Variants in ERICH6B observed in about 807,000 individuals in gnomAD.
ERICH6B encodes the protein glutamate rich 6B, also known as glutamate-rich protein 6B.
ERICH6B carries 69 observed loss-of-function variants against 80.0 expected under a neutral mutation model. The ratio of observed to expected loss-of-function variants is 0.86; its 90% CI spans 0.71 to 1.05. The LOEUF (loss-of-function observed/expected upper bound fraction) is 1.05. ERICH6B is among the 50% of genes least tolerant of loss of function. The pLI is 0.00. For missense variants in ERICH6B, 754 were observed against 796.1 expected, an observed-to-expected ratio of 0.95 and a Z score of 0.64; for synonymous variants, 283 against 291.9, an observed-to-expected ratio of 0.97 and a Z score of 0.31.
At chr13:45,578,065 C>T (rs1875495833) in intron 7 of ERICH6B, among the ~76,000 whole-genome samples, 2 of 152,224 alleles carry the variant, frequency 1.3e-5, no homozygotes, top group South Asian at 4.1e-4. Context: ...CTGTGCACTT[C>T]CTTATAAAAT....
intron 11 of ERICH6B, among the ~76,000 whole-genome samples, chr13:45,553,622 A>G (rs1204703349): frequency 6.6e-6 from 1 of 152,172 alleles, no homozygotes; most frequent in Non-Finnish European, 1.5e-5. Flanking sequence ...CAAAATATGC[A>G]CTATCATTAA....
chr13:45,549,761 T>C, intron 13 of ERICH6B, 132 bp downstream of exon 13: 2 of 1,018,898 alleles, frequency 2.0e-6, no homozygotes, highest in Non-Finnish European at 2.8e-6. Context: ...TGGTCCATCA[T>C]GGTGCTCATT....
chr13:45,555,221 G>T (rs769736274), intron 11 of ERICH6B, among the ~76,000 whole-genome samples: 3 of 152,190 alleles, frequency 2.0e-5, no homozygotes, highest in Non-Finnish European at 4.4e-5. Context: ...TCTATTAGAA[G>T]AAGTGAGGCC....
chr13:45,588,310 G>A (rs79153767), intron 4 of ERICH6B, among the ~76,000 whole-genome samples: 3,016 of 152,284 alleles, frequency 0.02, 97 homozygotes, highest in African/African-American at 0.069. Flanking sequence ...CAGTAGGGGA[G>A]CTTGGGTCTG....
At chr13:45,612,291 T>G (rs1335480197) in intron 1 of ERICH6B, among the ~76,000 whole-genome samples, 2 of 152,246 alleles carry the variant, frequency 1.3e-5, no homozygotes, top group African/African-American at 4.8e-5. Context: ...TCCCAGACAC[T>G]GTGTCAGGCA....
At chr13:45,566,903 G>C (rs946156123) in intron 9 of ERICH6B, among the ~76,000 whole-genome samples, 27 of 152,344 alleles carry the variant, frequency 1.8e-4, no homozygotes, top group African/African-American at 6.5e-4. Context: ...AAAAGCCTTA[G>C]ACACTCAATG....
At chr13:45,575,130 A>G (rs1391980526) in intron 7 of ERICH6B, among the ~76,000 whole-genome samples, 200 bp from the exon 8 acceptor site, 1 of 152,244 alleles carries the variant, frequency 6.6e-6, no homozygotes, top group Non-Finnish European at 1.5e-5. Context: ...AAATAGGAAT[A>G]AGAGGGTCAG....
At chr13:45,592,633 T>C (rs1279977728) in intron 3 of ERICH6B, among the ~76,000 whole-genome samples, 1 of 152,216 alleles carries the variant, frequency 6.6e-6, no homozygotes, top group Non-Finnish European at 1.5e-5. Flanking sequence ...AATCAATGTA[T>C]TGTGACATCT....
intron 5 of ERICH6B, among the ~76,000 whole-genome samples, chr13:45,582,378 A>G (rs1190687816): frequency 6.6e-6 from 1 of 152,208 alleles, no homozygotes; most frequent in Non-Finnish European, 1.5e-5. Context: ...CTTGTGGTTG[A>G]AGAAAGCATC....
chr13:45,543,396 C>T (rs1873866013), intron 14 of ERICH6B, among the ~76,000 whole-genome samples: 3 of 152,170 alleles, frequency 2.0e-5, no homozygotes, highest in African/African-American at 7.2e-5. Context: ...AACGGGGTCT[C>T]TGTGGATATG....
chr13:45,546,902 C>A (rs1366215791), intron 13 of ERICH6B, among the ~76,000 whole-genome samples: 1 of 152,214 alleles, frequency 6.6e-6, no homozygotes, highest in East Asian at 1.9e-4. Flanking sequence ...TTCCCACTTT[C>A]CATTGAACAA....
chr13:45,596,806 T>C lies in ERICH6B; in HGVS notation c.200A>G (p.Asp67Gly). ...EDKEYLEEEE[D>G]LEEEEYLGKE... ...CCCCAGATACTCTTCCTCTTCCAGA[T>C]CCTCTTCCTCCTCCAGATACTCTTT... Residue 67 changes from aspartate (D) to glycine (G), a missense_variant, in exon 3 of 15, where the codon GAT becomes GGT. By Grantham distance (94) the Asp-to-Gly change is moderately conservative (BLOSUM62 -1). Coordinates refer to ENST00000298738, the MANE Select transcript of ERICH6B (RefSeq NM_182542.3). 6.4e-7 allele frequency: 1 copy of C among 1,551,742 alleles called. No individual in the cohort carries two copies. The highest frequency in any genetic ancestry group is 8.7e-7 in the Non-Finnish European group (1 of 1,146,974).
intron 11 of ERICH6B, among the ~76,000 whole-genome samples, chr13:45,553,899 A>G (rs1357029917): frequency 6.6e-6 from 1 of 152,218 alleles, no homozygotes; most frequent in Non-Finnish European, 1.5e-5. Context: ...TGATGTATGT[A>G]TACATTGTGA....
intron 2 of ERICH6B, among the ~76,000 whole-genome samples, chr13:45,606,188 C>T (rs909768502): frequency 6.6e-6 from 1 of 152,024 alleles, no homozygotes; most frequent in Admixed American, 6.6e-5. Context: ...AAAAGACATC[C>T]GCAGTTACAA....
intron 2 of ERICH6B, among the ~76,000 whole-genome samples, chr13:45,601,322 G>A (rs982635768): frequency 1.3e-5 from 2 of 152,120 alleles, no homozygotes; most frequent in Non-Finnish European, 2.9e-5. Context: ...AGGCTGAAGC[G>A]GGAAGGATCA....
chr13:45,585,606 G>C (rs1192823109), intron 5 of ERICH6B, among the ~76,000 whole-genome samples: 2 of 152,142 alleles, frequency 1.3e-5, no homozygotes, highest in Non-Finnish European at 2.9e-5. Context: ...GTGTCATTGA[G>C]CCTGGCTTAG....
intron 11 of ERICH6B, among the ~76,000 whole-genome samples, chr13:45,554,091 C>T (rs1874335434): frequency 6.6e-6 from 1 of 152,196 alleles, no homozygotes; most frequent in Non-Finnish European, 1.5e-5. Flanking sequence ...ACTTATTCCT[C>T]CTGTCTAGCG....
intron 14 of ERICH6B, among the ~76,000 whole-genome samples, chr13:45,542,883 C>T (rs1408096858): frequency 6.6e-6 from 1 of 152,216 alleles, no homozygotes; most frequent in African/African-American, 2.4e-5. Context: ...AGTCCCATGT[C>T]CCAGGAAACT....
At position 45,549,889 on chromosome 13, in the gene ERICH6B, T is replaced by G; in HGVS notation, c.1646+4A>C. ...AGTGTTAGGGACTCATGACCCAAGC[T>G]TACCAGATATCACTATTTTCATCAT... On this transcript the variant is annotated splice_donor_region_variant and intron_variant, in intron 13 of 14. Transcript: ENST00000298738. 2 of 1,549,722 alleles carry G rather than the reference T, an allele frequency of 1.3e-6. No homozygotes were observed. Among genetic ancestry groups the G allele is most frequent in the Non-Finnish European group, 1.7e-6 (2 of 1,146,718 alleles).
Sources: gnomAD v4.1 joint callset for allele counts (sites outside exome capture counted in the v4.1 genomes callset) on GRCh38, gnomAD v4.1.1 for gene constraint, MANE v1.5 for transcripts, NCBI Gene and HGNC (gene_info 2026-07-23, HGNC 2026-07-21) for gene names.